The following LYSMD3 variants were observed in gnomAD, a reference collection of about 807,000 sequenced individuals.
LYSMD3 encodes the protein lysM and putative peptidoglycan-binding domain-containing protein 3.
In LYSMD3, 13 loss-of-function variants were observed where a neutral mutation model predicts 26.1. The observed-to-expected ratio is 0.50, with a 90% CI of 0.32 to 0.79. The LOEUF (loss-of-function observed/expected upper bound fraction) is 0.79. Among genes scored for constraint, LYSMD3 ranks in the 30% least tolerant of loss-of-function variants. The probability of loss-of-function intolerance (pLI) is 0.03; values close to 1 mark genes in which losing one functional copy is unlikely to be tolerated. For synonymous variants in LYSMD3, 109 were observed against 119.4 expected (o/e 0.91, Z 0.57); for missense variants, 331 against 362.5 (o/e 0.91, Z 0.71).
chr5:90,529,331 C>G (rs1212557883), intron 1 of LYSMD3, 117 bp downstream of exon 1: 1 of 450,946 alleles, frequency 2.2e-6, no homozygotes, highest in Non-Finnish European at 4.5e-6. Context: ...CCGAGCCCGG[C>G]CCTGCAGCCC....
chr5:90,527,905 A>G (rs1753263875), intron 1 of LYSMD3, among the ~76,000 whole-genome samples: 1 of 152,204 alleles, frequency 6.6e-6, no homozygotes, highest in African/African-American at 2.4e-5. Flanking sequence ...TAAAAGCTCA[A>G]GAGTTCCTAT....
chr5:90,527,583 G>C (rs1415245017), intron 1 of LYSMD3, among the ~76,000 whole-genome samples: 1 of 152,082 alleles, frequency 6.6e-6, no homozygotes, highest in African/African-American at 2.4e-5. Context: ...GATGGTTCCA[G>C]GTACAAGAAC....
At chr5:90,526,030 TTG>T (rs1402333697) in intron 1 of LYSMD3, among the ~76,000 whole-genome samples, 2 of 152,212 alleles carry the variant, frequency 1.3e-5, no homozygotes, top group Non-Finnish European at 2.9e-5. Flanking sequence ...TCTTAAAAAC[TTG>T]TGACTATATA....
intron 2 of LYSMD3, among the ~76,000 whole-genome samples, chr5:90,523,417 C>T (rs898311157): frequency 4.0e-5 from 6 of 151,540 alleles, no homozygotes; most frequent in Non-Finnish European, 7.4e-5. Flanking sequence ...AATATAAATA[C>T]ATTTATATAA....
intron 1 of LYSMD3, among the ~76,000 whole-genome samples, chr5:90,529,166 G>A (rs77993960): frequency 0.026 from 3,996 of 152,304 alleles, 174 homozygotes; most frequent in African/African-American, 0.091. Flanking sequence ...AGTCGTGGGA[G>A]AAATGCTGTG....
At chr5:90,524,284 T>C (rs1235925081) in intron 2 of LYSMD3, among the ~76,000 whole-genome samples, 1 of 152,150 alleles carries the variant, frequency 6.6e-6, no homozygotes, top group African/African-American at 2.4e-5. Context: ...AAATGCATAA[T>C]ATAATCCACT....
At chr5:90,522,617 G>A (rs911249043) in intron 2 of LYSMD3, among the ~76,000 whole-genome samples, 11 of 152,100 alleles carry the variant, frequency 7.2e-5, no homozygotes, top group Non-Finnish European at 1.5e-4. Context: ...CTGCTATTCT[G>A]TATCACTCCT....
chr5:90,523,767 G>T (rs1445589725), intron 2 of LYSMD3, among the ~76,000 whole-genome samples: 2 of 152,042 alleles, frequency 1.3e-5, no homozygotes, highest in African/African-American at 4.8e-5. Flanking sequence ...TAAGTCATGA[G>T]GAAGAATTTA....
rs539047174 is a variant in LYSMD3 at position 90,529,492 on chromosome 5, G to GGTCCGC, written c.-62_-57dup. ...GCACTCTGCGAGAAGATGGCCAAAA[G>GGTCCGC]GTCCGCCGCCGCCGCTGTCCCGGGT... On this transcript the variant is annotated 5_prime_UTR_variant, in exon 1 of 3. Transcript: ENST00000315948. 4.6e-4 allele frequency: 208 copies of GGTCCGC among 456,674 alleles called. 1 individual carries two copies. Among genetic ancestry groups the GGTCCGC allele is most frequent in the African/African-American group, 3.9e-3 (197 of 50,194 alleles). 28.3% of individuals were successfully genotyped at this position (456,674 alleles called of 1,614,324 possible). A position where few individuals can be genotyped will look rare whatever the true frequency, so the allele number is the denominator to read the frequency against.
At chr5:90,529,382 A>G (rs1753303981) in intron 1 of LYSMD3, 66 bp downstream of exon 1, 1 of 456,106 alleles carries the variant, frequency 2.2e-6, no homozygotes, top group South Asian at 1.5e-5. Flanking sequence ...TCCCGTGAGG[A>G]CGCAGCTGGG....
At chr5:90,526,468 C>G (rs1160251655) in intron 1 of LYSMD3, among the ~76,000 whole-genome samples, 1 of 152,216 alleles carries the variant, frequency 6.6e-6, no homozygotes, top group Non-Finnish European at 1.5e-5. Flanking sequence ...TCAAGTTGAT[C>G]TATCTACTCT....
At chr5:90,520,598 C>A in intron 2 of LYSMD3, 1 of 429,272 alleles carries the variant, frequency 2.3e-6, no homozygotes, top group Non-Finnish European at 4.7e-6. Context: ...CGGCTAGAGA[C>A]ACAGATTTAT....
At chr5:90,525,822 A>C (rs559631010) in intron 1 of LYSMD3, among the ~76,000 whole-genome samples, 1 of 152,356 alleles carries the variant, frequency 6.6e-6, no homozygotes, top group Admixed American at 6.5e-5. Flanking sequence ...AGGGAAGAAG[A>C]GGTAATCTCC....
At chr5:90,525,606 C>T (rs1426455927) in intron 1 of LYSMD3, among the ~76,000 whole-genome samples, 2 of 152,156 alleles carry the variant, frequency 1.3e-5, no homozygotes, top group African/African-American at 2.4e-5. Flanking sequence ...CCCACCACTA[C>T]GCCCAGCTAA....
chr5:90,517,978 T>C lies in LYSMD3; in HGVS notation c.*841A>G, dbSNP rs550469554. On this transcript the variant is annotated 3_prime_UTR_variant, in exon 3 of 3. Transcript: ENST00000315948. ...ATGTTACTGTATGTAACAGCAATGA[T>C]TTATCACAGTATATAAGGAATTATT... The C allele has an allele frequency of 6.5e-6, 1 of 152,702 alleles. No individual in the cohort carries two copies. Among genetic ancestry groups the C allele is most frequent in the Non-Finnish European group, 1.5e-5 (1 of 67,966 alleles). The allele number at this position is 152,702 out of a possible 1,614,324, so 9.5% of individuals were successfully genotyped here.
chr5:90,527,376 C>T (rs1230184445), intron 1 of LYSMD3, among the ~76,000 whole-genome samples: 1 of 151,268 alleles, frequency 6.6e-6, no homozygotes, highest in Non-Finnish European at 1.5e-5. Context: ...TGCTTAGGTA[C>T]CCTGAACACA....
At chr5:90,528,298 C>T (rs887776783) in intron 1 of LYSMD3, among the ~76,000 whole-genome samples, 3 of 152,172 alleles carry the variant, frequency 2.0e-5, no homozygotes, top group African/African-American at 4.8e-5. Context: ...GCAATTTACA[C>T]TTGGCTATAC....
Position 90,515,699 on chromosome 5 carries a change from T to C in LYSMD3, c.*3120A>G, listed in dbSNP as rs2151919597. On this transcript the variant is annotated 3_prime_UTR_variant, in exon 3 of 3. Transcript: ENST00000315948. The stretch of plus-strand genomic sequence containing the variant: ...AATATGAAAAATAAGGGGCAAAAAA[T>C]TTTAAAAACTGGTTTTACAGATACA... The C allele has an allele frequency of 6.6e-6, 1 of 152,274 alleles. No individual in the cohort carries two copies. The highest frequency in any genetic ancestry group is 1.9e-4 in the East Asian group (1 of 5,184). The allele number at this position is 152,274 out of a possible 1,614,324, so 9.4% of individuals were successfully genotyped here.
At chr5:90,521,897 ACTGT>A (rs1310001478) in intron 2 of LYSMD3, among the ~76,000 whole-genome samples, 4 of 152,096 alleles carry the variant, frequency 2.6e-5, no homozygotes, top group Non-Finnish European at 5.9e-5. Context: ...CTAGCTACTT[ACTGT>A]ATTTTTTAAA....
Sources: gnomAD v4.1 joint callset for allele counts (sites outside exome capture counted in the v4.1 genomes callset) on GRCh38, gnomAD v4.1.1 for gene constraint, MANE v1.5 for transcripts, NCBI Gene and HGNC (gene_info 2026-07-23, HGNC 2026-07-21) for gene names.